The following VWA3A variants were observed in gnomAD, a reference collection of about 807,000 sequenced individuals.
VWA3A encodes the protein von Willebrand factor A domain-containing protein 3A.
In VWA3A, 134 loss-of-function variants were observed where a neutral mutation model predicts 160.4. The observed-to-expected ratio is 0.84, with a 90% CI of 0.73 to 0.96. The LOEUF (loss-of-function observed/expected upper bound fraction) is 0.96. Ranked by LOEUF, VWA3A falls within the 40% of genes least tolerant of loss-of-function variation. The pLI is 0.00. For synonymous variants in VWA3A, 476 were observed against 543.4 expected (o/e 0.88, Z 1.72); for missense variants, 1,310 against 1,447.9 (o/e 0.90, Z 1.55).
intron 5 of VWA3A, among the ~76,000 whole-genome samples, chr16:22,101,135 T>C (rs1173074701): frequency 6.6e-6 from 1 of 152,050 alleles, no homozygotes; most frequent in Non-Finnish European, 1.5e-5. Context: ...TCCATGCCTA[T>C]AATCCTAGCG....
chr16:22,122,184 GAT>G, intron 14 of VWA3A, among the ~76,000 whole-genome samples: 1 of 132,868 alleles, frequency 7.5e-6, no homozygotes, highest in Admixed American at 8.0e-5. Flanking sequence ...TGGATGAGTG[GAT>G]GGATAGATAG....
intron 5 of VWA3A, among the ~76,000 whole-genome samples, chr16:22,100,910 T>C (rs182139486): frequency 2.0e-5 from 3 of 150,796 alleles, no homozygotes; most frequent in African/African-American, 4.9e-5. Flanking sequence ...GGAAGTAACT[T>C]TGTTCAAACA....
intron 7 of VWA3A, among the ~76,000 whole-genome samples, chr16:22,110,653 G>A (rs972004768): frequency 2.6e-5 from 4 of 152,212 alleles, no homozygotes; most frequent in African/African-American, 9.7e-5. Context: ...TAAGTGCCAA[G>A]GGTCCAGCAA....
intron 26 of VWA3A, among the ~76,000 whole-genome samples, chr16:22,144,858 G>A (rs1172826745): frequency 6.6e-6 from 1 of 152,106 alleles, no homozygotes; most frequent in Non-Finnish European, 1.5e-5. Context: ...AGGCTGCAGT[G>A]AGCCGTGATC....
intron 1 of VWA3A, among the ~76,000 whole-genome samples, chr16:22,092,973 C>T (rs1901386845): frequency 6.6e-6 from 1 of 151,974 alleles, no homozygotes; most frequent in African/African-American, 2.4e-5. Flanking sequence ...TTATTATTTT[C>T]ACCCAATAAT....
intron 1 of VWA3A, among the ~76,000 whole-genome samples, chr16:22,094,580 A>G (rs2045287434): frequency 6.6e-6 from 1 of 152,214 alleles, no homozygotes; most frequent in East Asian, 1.9e-4. Flanking sequence ...AGCAAAAAAA[A>G]AAGGTAGAGA....
intron 16 of VWA3A, 135 bp downstream of exon 16, chr16:22,123,842 C>A: frequency 3.8e-6 from 3 of 790,346 alleles, no homozygotes; most frequent in Non-Finnish European, 2.0e-6. Flanking sequence ...CTCAGCAGAA[C>A]CCCCAGAGGA....
chr16:22,146,747 C>T (rs1289589755), intron 27 of VWA3A, among the ~76,000 whole-genome samples: 3 of 148,660 alleles, frequency 2.0e-5, no homozygotes, highest in African/African-American at 7.5e-5. Flanking sequence ...CCATCCTGGG[C>T]AACAAGAGTG....
intron 16 of VWA3A, among the ~76,000 whole-genome samples, chr16:22,124,275 AG>A (rs1292213332): frequency 6.6e-6 from 1 of 150,500 alleles, no homozygotes; most frequent in Non-Finnish European, 1.5e-5. Flanking sequence ...ACCCAGCCAG[AG>A]GTGTGATGTT....
intron 28 of VWA3A, among the ~76,000 whole-genome samples, chr16:22,148,826 A>G (rs2046300489): frequency 6.6e-6 from 1 of 152,208 alleles, no homozygotes; most frequent in Admixed American, 6.5e-5. Flanking sequence ...GGACAATTGC[A>G]AGCACAGCAA....
chr16:22,155,697 A>T (rs761198721), intron 32 of VWA3A, 33 bp downstream of exon 32: 3 of 1,609,382 alleles, frequency 1.9e-6, no homozygotes, highest in East Asian at 4.5e-5. Context: ...CCGGCCTGCC[A>T]TGTGGCTACA....
chr16:22,136,895 GCACACA>G (rs113954328), intron 21 of VWA3A, among the ~76,000 whole-genome samples: 28 of 142,632 alleles, frequency 2.0e-4, no homozygotes, highest in South Asian at 8.8e-4. Flanking sequence ...ACACACACAC[GCACACA>G]CACACACACA....
At chr16:22,103,380 A>G in intron 5 of VWA3A, 95 bp from the exon 6 acceptor site, 7 of 1,213,756 alleles carry the variant, frequency 5.8e-6, no homozygotes, top group Non-Finnish European at 8.1e-6. Context: ...TAAAAAAAAA[A>G]ACAATTATTC....
chr16:22,148,376 C>A, intron 28 of VWA3A, 70 bp downstream of exon 28: 1 of 1,511,290 alleles, frequency 6.6e-7, no homozygotes. Flanking sequence ...AAGCACGCCC[C>A]CTCTTCTCAG....
chr16:22,144,514 C>A, intron 26 of VWA3A, 130 bp downstream of exon 26: 1 of 1,322,134 alleles, frequency 7.6e-7, no homozygotes, highest in Non-Finnish European at 1.0e-6. Context: ...AAGTGGGACT[C>A]CCCTCACCAA....
intron 14 of VWA3A, among the ~76,000 whole-genome samples, chr16:22,122,590 C>T (rs1262556069): frequency 6.6e-6 from 1 of 151,798 alleles, no homozygotes; most frequent in Non-Finnish European, 1.5e-5. Flanking sequence ...GGATGAATGA[C>T]TAGATGGATG....
chr16:22,149,790 T>G lies in VWA3A; in HGVS notation c.2988T>G (p.Phe996Leu), dbSNP rs1234634584. 3 of 1,597,188 alleles carry G rather than the reference T, an allele frequency of 1.9e-6. No individual in the cohort carries two copies. Among genetic ancestry groups the G allele is most frequent in the African/African-American group, 2.7e-5 (2 of 74,602 alleles). The change falls in exon 29 of 34, where the codon TTT (phenylalanine) becomes TTG (leucine). Residue 996 changes from phenylalanine to leucine, a missense_variant. Physicochemically the swap from Phe to Leu is conservative, Grantham distance 22. Coordinates refer to ENST00000389398, the MANE Select transcript of VWA3A (RefSeq NM_173615.5). ...WEQLRKCCDS[F>L]NLLSFAESFQ... ...CTCCTCTTTTCCTCCTCCCCAGTTTTAACCTGCTCAGCTTTGCAGAGAGCT... is the reference window on the plus strand; with the variant it reads ...CTCCTCTTTTCCTCCTCCCCAGTTTGAACCTGCTCAGCTTTGCAGAGAGCT...
intron 16 of VWA3A, among the ~76,000 whole-genome samples, chr16:22,125,892 A>G (rs1002474776): frequency 2.6e-5 from 4 of 152,180 alleles, no homozygotes; most frequent in African/African-American, 9.7e-5. Context: ...TTTAAAATAA[A>G]TCTGTGAAAA....
intron 11 of VWA3A, among the ~76,000 whole-genome samples, chr16:22,118,307 T>A (rs553895336): frequency 5.9e-5 from 9 of 151,422 alleles, no homozygotes; most frequent in Admixed American, 4.0e-4. Context: ...ATAAATAAAT[T>A]ATTATTATTA....
Sources: allele counts gnomAD v4.1 joint callset (sites outside exome capture counted in the v4.1 genomes callset), GRCh38; gene constraint gnomAD v4.1.1; transcripts MANE v1.5; gene names NCBI Gene and HGNC (gene_info 2026-07-23, HGNC 2026-07-21).